MTFR2: variants seen among roughly 807,000 people sequenced by gnomAD.
The protein encoded by MTFR2 is DUF729 domain-containing protein 1.
MTFR2 carries 44 observed loss-of-function variants against 41.2 expected under a neutral mutation model. The ratio of observed to expected loss-of-function variants is 1.07; its 90% CI spans 0.84 to 1.37. The LOEUF (loss-of-function observed/expected upper bound fraction) is 1.37. Among genes scored for constraint, MTFR2 ranks in the 40% most tolerant of loss-of-function variants. The pLI, the probability that MTFR2 is intolerant of heterozygous loss-of-function variation, is 0.00. For missense variants in MTFR2, 452 were observed against 459.5 expected (o/e 0.98, Z 0.15); for synonymous variants, 141 against 154.6 (o/e 0.91, Z 0.65).
intron 3 of MTFR2, among the ~76,000 whole-genome samples, chr6:136,244,161 T>C (rs1780155438): frequency 6.6e-6 from 1 of 152,190 alleles, no homozygotes. Flanking sequence ...ATAAATTTAG[T>C]GTAGCCTAAG....
chr6:136,233,043 A>G (rs1018265753), intron 7 of MTFR2: 2 of 247,008 alleles, frequency 8.1e-6, no homozygotes, highest in Non-Finnish European at 1.6e-5. Context: ...CATACTGCAG[A>G]TGGCAACATC....
Position 136,241,590 on chromosome 6 carries a change from C to G in MTFR2, c.368G>C (p.Arg123Thr). 1.9e-6 allele frequency: 3 copies of G among 1,614,114 alleles called. No individual in the cohort carries two copies. The highest frequency in any genetic ancestry group is 1.7e-5 in the Admixed American group (1 of 60,008). ...LVRDPLSPAV[R>T]QKETVKNDLP... is the part of the protein sequence containing the mutation. ...GTCATTTTTCACAGTTTCTTTCTGT[C>G]TTACAGCAGGTGACAGTGGATCCCG... Residue 123 changes from arginine to threonine, a missense_variant, in exon 5 of 8, where the codon AGA (arginine) becomes ACA (threonine). Coordinates refer to ENST00000420702, the MANE Select transcript of MTFR2 (RefSeq NM_001099286.3).
chr6:136,243,163 C>A, intron 3 of MTFR2, among the ~76,000 whole-genome samples, 190 bp from the exon 4 acceptor site: 1 of 152,144 alleles, frequency 6.6e-6, no homozygotes, highest in Non-Finnish European at 1.5e-5. Context: ...AAGCACTAAG[C>A]AATATTCTCT....
Position 136,239,750 on chromosome 6 carries a change from A to G in MTFR2, c.585T>C (p.Ser195=), listed in dbSNP as rs765830461. The change falls in exon 6 of 8, where the codon AGT becomes AGC. Residue 195 remains serine, a synonymous_variant. Transcript: ENST00000420702. ...QLSSSRAAHL[S]VDPDQLPGSV... The stretch of plus-strand genomic sequence containing the variant: ...AACCTGGAAGCTGATCTGGGTCCAC[A>G]CTCAGATGGGCAGCCCGCGATGATG... 14 of 1,613,976 alleles carry G rather than the reference A, an allele frequency of 8.7e-6. No homozygotes were observed. Among genetic ancestry groups the G allele is most frequent in the Non-Finnish European group, 1.2e-5 (14 of 1,180,028 alleles).
intron 3 of MTFR2, among the ~76,000 whole-genome samples, chr6:136,243,646 G>A (rs750851173): frequency 2.8e-4 from 43 of 151,702 alleles, no homozygotes; most frequent in Admixed American, 7.2e-4. Flanking sequence ...CCAGGAGGTT[G>A]AGGCTGCAGT....
intron 7 of MTFR2, among the ~76,000 whole-genome samples, chr6:136,232,543 C>T (rs541375139): frequency 2.0e-4 from 31 of 152,210 alleles, no homozygotes; most frequent in Non-Finnish European, 3.5e-4. Context: ...TGACCACGCC[C>T]GGCCCTGTTA....
In MTFR2 at chr6:136,239,671, G is replaced by A. The variant is rs1779997448; in HGVS notation, c.664C>T (p.Gln222Ter). ...TGTACGGGAGGAAAACACGGTGGCTGGAGAGATGAAAACTGAGGAGGAAGT... is the reference window on the plus strand; with the variant it reads ...TGTACGGGAGGAAAACACGGTGGCTAGAGAGATGAAAACTGAGGAGGAAGT... ...PPLPPQFSSL[Q>*]PPCFPPVQPG... Residue 222 changes from glutamine (Q) to a stop codon, truncating the protein, a stop_gained, in exon 6 of 8, where the codon CAG (glutamine) becomes TAG (stop). Transcript: ENST00000420702. LOFTEE classifies it high-confidence loss of function. The A allele has an allele frequency of 6.2e-7, 1 of 1,614,020 alleles. No homozygotes were observed. The highest frequency in any genetic ancestry group is 1.3e-5 in the African/African-American group (1 of 74,994).
chr6:136,239,328 A>T, intron 6 of MTFR2, 138 bp downstream of exon 6: 1 of 565,856 alleles, frequency 1.8e-6, no homozygotes, highest in Non-Finnish European at 2.9e-6. Context: ...ATTGAATGTC[A>T]TTATCTCTAG....
intron 6 of MTFR2, 64 bp downstream of exon 6, chr6:136,239,399 CATA>C (rs1779988033): frequency 5.0e-6 from 6 of 1,204,784 alleles, no homozygotes; most frequent in South Asian, 1.6e-5. Context: ...TTTTCATAAA[CATA>C]ATAATTTTTC....
At chr6:136,231,970 G>A (rs1162950972) in intron 7 of MTFR2, among the ~76,000 whole-genome samples, 1 of 152,164 alleles carries the variant, frequency 6.6e-6, no homozygotes, top group Admixed American at 6.5e-5. Context: ...GGGGAAAAGG[G>A]ATTGCTGCTG....
At position 136,233,512 on chromosome 6, in the gene MTFR2, A is replaced by G; in HGVS notation, c.870-13T>C. On this transcript the variant is annotated splice_polypyrimidine_tract_variant and intron_variant, in intron 6 of 7. Coordinates refer to ENST00000420702, the MANE Select transcript of MTFR2 (RefSeq NM_001099286.3). ...ACCGCCAGGTGACCTATTTTTTAAA[A>G]AAAAAAATTGAATTTATTAAAACTT... 1 of 1,471,482 alleles carries G rather than the reference A, an allele frequency of 6.8e-7. No homozygotes were observed. The highest frequency in any genetic ancestry group is 9.1e-7 in the Non-Finnish European group (1 of 1,104,312). The allele number at this position is 1,471,482 out of a possible 1,614,324, so 91.2% of individuals were successfully genotyped here.
At chr6:136,243,621 G>A (rs1050535815) in intron 3 of MTFR2, among the ~76,000 whole-genome samples, 3 of 151,950 alleles carry the variant, frequency 2.0e-5, no homozygotes, top group African/African-American at 7.3e-5. Flanking sequence ...GCTGAGGTGG[G>A]AGGATCACTT....
intron 6 of MTFR2, 28 bp from the exon 7 acceptor site, chr6:136,233,527 T>C (rs1388291046): frequency 6.9e-7 from 1 of 1,447,768 alleles, no homozygotes. Context: ...AAATTGAATT[T>C]ATTAAAACTT....
chr6:136,243,714 T>TA (rs71661846), intron 3 of MTFR2, among the ~76,000 whole-genome samples: 23,393 of 135,670 alleles, frequency 0.17, 5,981 homozygotes, highest in African/African-American at 0.56. Flanking sequence ...GACCTTATCT[T>TA]AAAAAAAAAA....
At position 136,234,621 on chromosome 6, in the gene MTFR2, C is replaced by G. The variant is rs139517966; in HGVS notation, c.870-1122G>C. 3.4e-4 allele frequency among the ~76,000 whole-genome samples: 51 copies of G among 152,216 alleles called. No homozygotes were observed. The Middle Eastern group carries it at 0.01, about 30-fold the overall frequency. The stretch of plus-strand genomic sequence containing the variant: ...GAGGGGCCTACGGACACAGCAAGGG[C>G]TCTAGAACTGATTCAAGCACAACGG... On this transcript the variant is annotated intron_variant, in intron 6 of 7. Transcript: ENST00000420702.
At chr6:136,244,973 T>A (rs988261838) in intron 2 of MTFR2, 104 bp from the exon 3 acceptor site, 10 of 494,166 alleles carry the variant, frequency 2.0e-5, no homozygotes, top group Non-Finnish European at 2.9e-5. Context: ...CGCAGTGGCA[T>A]TTTTTTTTTA....
At chr6:136,241,338 A>G in intron 5 of MTFR2, 106 bp downstream of exon 5, 2 of 806,946 alleles carry the variant, frequency 2.5e-6, no homozygotes, top group Non-Finnish European at 1.9e-6. Flanking sequence ...ATGTTCCTGT[A>G]TGCTACTATA....
In MTFR2 at chr6:136,235,197, T is replaced by C. The variant is rs557873877; in HGVS notation, c.870-1698A>G. 1.3e-4 allele frequency among the ~76,000 whole-genome samples: 19 copies of C among 151,338 alleles called. No homozygotes were observed. In the East Asian group the frequency reaches 3.5e-3, roughly 28 times the overall value. On this transcript the variant is annotated intron_variant, in intron 6 of 7. Coordinates refer to ENST00000420702, the MANE Select transcript of MTFR2 (RefSeq NM_001099286.3). The stretch of plus-strand genomic sequence containing the variant: ...GAGCCACCGCACCTGGCCTGATTCC[T>C]AGATCTTAAGCAACCGGGTGATCGT...
rs773554652 is a variant in MTFR2, at chr6:136,250,293, T to C, written c.-372A>G. The C allele has an allele frequency of 6.6e-6, 1 of 152,312 alleles. No homozygotes were observed. Among genetic ancestry groups the C allele is most frequent in the African/African-American group, 2.4e-5 (1 of 41,360 alleles). The allele number at this position is 152,312 out of a possible 1,614,324, so 9.4% of individuals were successfully genotyped here. ...TAGTCCCTAGGACCGGACTGCTACTTCCGCATGACAGGACTGCTACTTCCG... is the reference window on the plus strand; with the variant it reads ...TAGTCCCTAGGACCGGACTGCTACTCCCGCATGACAGGACTGCTACTTCCG... On this transcript the variant is annotated 5_prime_UTR_variant, in exon 1 of 8. Transcript: ENST00000420702.
Sources: allele counts gnomAD v4.1 joint callset (sites outside exome capture counted in the v4.1 genomes callset), GRCh38; gene constraint gnomAD v4.1.1; transcripts MANE v1.5; gene names NCBI Gene and HGNC (gene_info 2026-07-23, HGNC 2026-07-21).